The following USP42 variants were observed in gnomAD, a reference collection of about 807,000 sequenced individuals.
USP42 encodes the protein ubiquitin specific peptidase 42.
A neutral mutation model predicts 113.0 loss-of-function variants in USP42; 23 were observed. The observed-to-expected ratio is 0.20, with a 90% CI of 0.15 to 0.29. The LOEUF (loss-of-function observed/expected upper bound fraction) is 0.29. Among genes scored for constraint, USP42 ranks in the 10% least tolerant of loss-of-function variants. The pLI, the probability that USP42 is intolerant of heterozygous loss-of-function variation, is 1.00. For missense variants in USP42, 2,174 were observed against 1,779.8 expected (o/e 1.22, Z -3.99); for synonymous variants, 933 against 699.0 (o/e 1.33, Z -5.28).
chr7:6,086,438 A>C, the USP42 span, among the ~76,000 whole-genome samples: 146 of 150,480 alleles, frequency 9.7e-4, 2 homozygotes, highest in Non-Finnish European at 1.7e-3. Context: ...ATCTCCTGAC[A>C]TCATGATCCG....
chr7:6,087,098 C>T, the USP42 span, among the ~76,000 whole-genome samples: 2 of 147,048 alleles, frequency 1.4e-5, 1 homozygote, highest in Admixed American at 1.4e-4. Flanking sequence ...GTGGTGCGAT[C>T]TCAGCCCACT....
At chr7:6,134,358 C>T (rs1308894004) in intron 3 of USP42, among the ~76,000 whole-genome samples, 1 of 152,190 alleles carries the variant, frequency 6.6e-6, no homozygotes, top group South Asian at 2.1e-4. Flanking sequence ...TGCATCTTTG[C>T]GTGCCTTGTA....
the USP42 span, among the ~76,000 whole-genome samples, chr7:6,088,062 G>A: frequency 6.6e-6 from 1 of 150,876 alleles, no homozygotes; most frequent in African/African-American, 2.5e-5. Flanking sequence ...CACTTTGGGA[G>A]GCCAAGGCAG....
At chr7:6,116,598 G>C in intron 3 of USP42, 2 of 346,634 alleles carry the variant, frequency 5.8e-6, no homozygotes, top group Non-Finnish European at 5.5e-6. Flanking sequence ...TTACTTAATG[G>C]AGAATTTAAA....
Position 6,143,741 on chromosome 7 carries a change from CAT to C in USP42, c.879-341_879-340del, listed in dbSNP as rs559909584. On this transcript the variant is annotated intron_variant, in intron 8 of 17. Transcript: ENST00000306177. ...ATTTTTAAATTAGATGAATTTAAGA[CAT>C]ATTTTCACATAATTATACCAGTCTG... Among the ~76,000 whole-genome samples, 19 of 152,070 alleles carry C rather than the reference CAT, an allele frequency of 1.2e-4. No homozygotes were observed. The South Asian group carries it at 3.7e-3, about 30-fold the overall frequency.
At chr7:6,087,590 G>C in the USP42 span, among the ~76,000 whole-genome samples, 1 of 150,720 alleles carries the variant, frequency 6.6e-6, no homozygotes, top group Admixed American at 6.6e-5. Context: ...ACCCGCTTCG[G>C]CCTCCCAAAG....
At chr7:6,110,271 C>G (rs758745223) in intron 1 of USP42, among the ~76,000 whole-genome samples, 1 of 152,180 alleles carries the variant, frequency 6.6e-6, no homozygotes. Flanking sequence ...CTGGACCTGG[C>G]TCTCAGTCCC....
At chr7:6,125,548 T>C (rs1466731316) in intron 3 of USP42, among the ~76,000 whole-genome samples, 1 of 152,196 alleles carries the variant, frequency 6.6e-6, no homozygotes, top group African/African-American at 2.4e-5. Context: ...TTTGGTAATA[T>C]ACTCCATCTT....
At chr7:6,123,497 A>G (rs2128488516) in intron 3 of USP42, among the ~76,000 whole-genome samples, 1 of 152,210 alleles carries the variant, frequency 6.6e-6, no homozygotes, top group African/African-American at 2.4e-5. Context: ...CCCCGTCTCT[A>G]CTAAAAATAC....
In USP42 at chr7:6,149,651, C is replaced by A; in HGVS notation, c.1455C>A (p.Asn485Lys). 6.2e-7 allele frequency: 1 copy of A among 1,613,942 alleles called. No individual in the cohort carries two copies. The highest frequency in any genetic ancestry group is 8.5e-7 in the Non-Finnish European group (1 of 1,179,882). Residue 485 changes from asparagine to lysine, a missense_variant, in exon 13 of 18, where the codon AAC becomes AAA. Physicochemically the swap from Asn to Lys is moderately conservative, Grantham distance 94. Transcript: ENST00000306177. ...CAAGCAGTTCCATGTCGAGTCCTAA[C>A]GGGAATTCCAGTGTCAACAGGGCTA... The part of the protein sequence containing the change: ...DTPSSSMSSP[N>K]GNSSVNRASP...
chr7:6,140,014 C>T (rs1479667314), intron 5 of USP42, 114 bp from the exon 6 acceptor site: 1 of 990,152 alleles, frequency 1.0e-6, no homozygotes, highest in Non-Finnish European at 1.6e-6. Context: ...TTTTCCATGG[C>T]TGTCCTGTTT....
intron 4 of USP42, 122 bp from the exon 5 acceptor site, chr7:6,138,970 C>T (rs1781305614): frequency 4.8e-6 from 3 of 626,380 alleles, no homozygotes; most frequent in African/African-American, 3.8e-5. Context: ...GTGCTATTTC[C>T]TCATAAAGTA....
rs1246622907 is a variant in USP42, at chr7:6,139,274, C to G, written c.656+80C>G. 1.7e-6 allele frequency: 2 copies of G among 1,201,436 alleles called. No homozygotes were observed. The highest frequency in any genetic ancestry group is 2.3e-6 in the Non-Finnish European group (2 of 869,108). 74.4% of individuals were successfully genotyped at this position (1,201,436 alleles called of 1,614,324 possible). A position where few individuals can be genotyped will look rare whatever the true frequency, so the allele number is the denominator to read the frequency against. On this transcript the variant is annotated intron_variant, in intron 5 of 17. Coordinates refer to ENST00000306177, the MANE Select transcript of USP42 (RefSeq NM_032172.3). The surrounding 1 kb of genome is among the most constrained non-coding windows in gnomAD (Gnocchi z 4.5). ...TATTCTTATCAGAATTCATTTTCAC[C>G]TTTTTTGTTGGAAGCACACAGAACA...
chr7:6,128,566 C>T (rs1452409978), intron 3 of USP42, among the ~76,000 whole-genome samples: 2 of 152,102 alleles, frequency 1.3e-5, no homozygotes, highest in East Asian at 1.9e-4. Flanking sequence ...GCTGTTCAAT[C>T]CATTTTGTGA....
At chr7:6,119,432 G>C (rs1285347205) in intron 3 of USP42, among the ~76,000 whole-genome samples, 2 of 152,052 alleles carry the variant, frequency 1.3e-5, no homozygotes, top group Non-Finnish European at 2.9e-5. Flanking sequence ...TATTGTGCAG[G>C]TACGCTGCAG....
the USP42 span, among the ~76,000 whole-genome samples, chr7:6,083,207 G>C: frequency 4.0e-5 from 6 of 148,560 alleles, 1 homozygote; most frequent in African/African-American, 1.5e-4. Flanking sequence ...TTACAGGCGT[G>C]AGCCACCGCA....
chr7:6,154,123 C>G lies in USP42; in HGVS notation c.2569C>G (p.Pro857Ala), dbSNP rs747197429. The G allele has an allele frequency of 4.4e-6, 7 of 1,600,152 alleles. No individual in the cohort carries two copies. In the African/African-American group the frequency reaches 6.7e-5, roughly 15 times the overall value. The change falls in exon 15 of 18, where the codon CCG becomes GCG. Residue 857 changes from proline to alanine, a missense_variant. Transcript: ENST00000306177. ...GGCGGAAGCCCCGGAAGGGTTGAGT[C>G]CGGCTCCGCCTGCGCGGTCGGAGGA... is the stretch of plus-strand genomic sequence containing the variant. Reference protein sequence around the residue: ...ALAEAPEGLSPAPPARSEEPC... With the variant: ...ALAEAPEGLSAAPPARSEEPC...
intron 4 of USP42, among the ~76,000 whole-genome samples, chr7:6,137,651 C>G (rs1385004321): frequency 2.0e-5 from 3 of 152,016 alleles, no homozygotes; most frequent in East Asian, 1.9e-4. Flanking sequence ...AGCCACCATG[C>G]CTGGCTATTT....
At position 6,146,206 on chromosome 7, in the gene USP42, G is replaced by C; in HGVS notation, c.1190G>C (p.Arg397Thr). 2 of 1,603,976 alleles carry C rather than the reference G, an allele frequency of 1.2e-6. No individual in the cohort carries two copies. The highest frequency in any genetic ancestry group is 1.7e-6 in the Non-Finnish European group (2 of 1,175,978). Residue 397 changes from arginine to threonine, a missense_variant, in exon 11 of 18, where the codon AGA becomes ACA. Physicochemically the swap from Arg to Thr is moderately conservative, Grantham distance 71 (BLOSUM62 -1). Transcript: ENST00000306177. ...NDSIVSTSDI[R>T]SVLSQQAYVL... ...TCCATTGTATCTACCAGTGATATTA[G>C]ATCGGTACTCAGCCAACAAGCCTAT...
Sources: gnomAD v4.1 joint callset for allele counts (sites outside exome capture counted in the v4.1 genomes callset) on GRCh38, gnomAD v4.1.1 for gene constraint, Gnocchi (gnomAD v3.1) non-coding constraint, MANE v1.5 for transcripts, NCBI Gene and HGNC (gene_info 2026-07-23, HGNC 2026-07-21) for gene names.